BRI3BP: variants seen among roughly 807,000 people sequenced by gnomAD.
BRI3BP encodes BRI3 binding protein, also known as BRI3-binding protein.
BRI3BP carries 7 observed loss-of-function variants against 15.8 expected under a neutral mutation model. The observed-to-expected ratio is 0.44, with a 90% CI of 0.25 to 0.83. The LOEUF (loss-of-function observed/expected upper bound fraction) is 0.83, where lower values mean the gene tolerates loss of function less well. Ranked by LOEUF, BRI3BP falls within the 40% of genes least tolerant of loss-of-function variation. The probability of loss-of-function intolerance (pLI) is 0.20; values close to 1 mark genes in which losing one functional copy is unlikely to be tolerated. For synonymous variants in BRI3BP, 192 were observed against 163.5 expected, an observed-to-expected ratio of 1.17 and a Z score of -1.33; for missense variants, 320 against 339.3, an observed-to-expected ratio of 0.94 and a Z score of 0.45.
chr12:125,002,249 C>T (rs1038522997), intron 1 of BRI3BP, among the ~76,000 whole-genome samples: 1 of 152,084 alleles, frequency 6.6e-6, no homozygotes, highest in Non-Finnish European at 1.5e-5. Flanking sequence ...CTGGGTCATA[C>T]AGGAACTTTT....
intron 2 of BRI3BP, 23 bp downstream of exon 2, chr12:125,012,659 C>A: frequency 6.6e-7 from 1 of 1,525,868 alleles, no homozygotes; most frequent in Non-Finnish European, 9.1e-7. Flanking sequence ...GTGGCATTCA[C>A]GTAAGGTGTC....
At chr12:125,012,914 T>TA (rs376021994) in intron 2 of BRI3BP, among the ~76,000 whole-genome samples, 24 of 151,006 alleles carry the variant, frequency 1.6e-4, no homozygotes, top group African/African-American at 2.7e-4. Flanking sequence ...CCCATCTCTA[T>TA]AAAAAAAAAG....
At chr12:125,037,552 C>G in the BRI3BP span, among the ~76,000 whole-genome samples, 1 of 150,288 alleles carries the variant, frequency 6.7e-6, no homozygotes, top group Non-Finnish European at 1.5e-5. Context: ...TGGCTCACGC[C>G]TGTAATCCCG....
chr12:125,033,060 C>T (rs1389566339), downstream of BRI3BP, among the ~76,000 whole-genome samples: 2 of 152,178 alleles, frequency 1.3e-5, no homozygotes, highest in African/African-American at 2.4e-5. Flanking sequence ...GCATTGCTAC[C>T]AGCCCCTTTG....
downstream of BRI3BP, among the ~76,000 whole-genome samples, chr12:125,035,753 G>A (rs1320880093): frequency 2.0e-5 from 3 of 151,770 alleles, no homozygotes; most frequent in African/African-American, 2.4e-5. Context: ...CAGTATGCCC[G>A]GCCTGTCAGG....
the BRI3BP span, among the ~76,000 whole-genome samples, chr12:125,038,375 C>T: frequency 3.9e-5 from 6 of 152,208 alleles, no homozygotes; most frequent in South Asian, 4.2e-4. Context: ...ATAAAGCATC[C>T]GATGTTTGAC....
intron 1 of BRI3BP, among the ~76,000 whole-genome samples, chr12:124,999,301 C>T (rs11057960): frequency 1.1e-4 from 17 of 152,260 alleles, no homozygotes; most frequent in Admixed American, 7.9e-4. Context: ...ACTACCGACC[C>T]GTCTACCACC....
In BRI3BP at chr12:125,025,160, G is replaced by T. The variant is rs370114511; in HGVS notation, c.486G>T (p.Arg162=). The change falls in exon 3 of 3, where the codon CGG becomes CGT. Residue 162 remains arginine (R), a synonymous_variant. Coordinates refer to ENST00000341446, the MANE Select transcript of BRI3BP (RefSeq NM_080626.6). ...VVFGRFFWIV[R]VVLFSMSCVY... is the part of the protein sequence containing the mutation. ...TCGGCCGCTTCTTCTGGATCGTGCG[G>T]GTCGTCCTGTTTTCCATGTCCTGCG... The T allele has an allele frequency of 2.5e-5, 40 of 1,614,136 alleles. No homozygotes were observed. In the African/African-American group the frequency reaches 4.4e-4, roughly 18 times the overall value.
the BRI3BP span, among the ~76,000 whole-genome samples, chr12:125,038,935 G>A: frequency 1.3e-5 from 2 of 150,292 alleles, no homozygotes; most frequent in Non-Finnish European, 3.0e-5. Context: ...ACTAAAAATA[G>A]AAAAATTAGC....
At chr12:125,038,006 A>G in the BRI3BP span, among the ~76,000 whole-genome samples, 9 of 150,986 alleles carry the variant, frequency 6.0e-5, no homozygotes, top group Admixed American at 5.9e-4. Flanking sequence ...GAAGTTCACA[A>G]TTCTAGCCAG....
At chr12:125,036,384 T>TTTA in the BRI3BP span, among the ~76,000 whole-genome samples, 1 of 151,108 alleles carries the variant, frequency 6.6e-6, no homozygotes, top group Non-Finnish European at 1.5e-5. Flanking sequence ...ATTTTATTTA[T>TTTA]TTATTATTAT....
chr12:125,017,874 C>A (rs947019176), intron 2 of BRI3BP, among the ~76,000 whole-genome samples: 1 of 152,166 alleles, frequency 6.6e-6, no homozygotes, highest in Admixed American at 6.6e-5. Context: ...GAAACTGGAT[C>A]CCCTGGTTCC....
rs1955354634 is a variant in BRI3BP at position 125,026,339 on chromosome 12, T to C, written c.*909T>C. The C allele has an allele frequency of 1.3e-5, 2 of 151,880 alleles. No homozygotes were observed. The highest frequency in any genetic ancestry group is 1.3e-4 in the Admixed American group (2 of 15,240). 9.4% of individuals were successfully genotyped at this position (151,880 alleles called of 1,614,324 possible). Reference sequence around the variant, plus strand: ...GAGGGTTTTTTTTTTTTTCTTTTGATTTCCTCAGGACCTTAGAGGGAAAAC... The same window carrying C: ...GAGGGTTTTTTTTTTTTTCTTTTGACTTCCTCAGGACCTTAGAGGGAAAAC... On this transcript the variant is annotated 3_prime_UTR_variant, in exon 3 of 3. Coordinates refer to ENST00000341446, the MANE Select transcript of BRI3BP (RefSeq NM_080626.6).
At chr12:125,039,450 C>T in the BRI3BP span, among the ~76,000 whole-genome samples, 2 of 152,136 alleles carry the variant, frequency 1.3e-5, no homozygotes. Flanking sequence ...CTATGTTTGA[C>T]TAGGCTTTAG....
intron 2 of BRI3BP, among the ~76,000 whole-genome samples, chr12:125,019,182 C>A (rs765361407): frequency 2.0e-5 from 3 of 152,052 alleles, no homozygotes; most frequent in Non-Finnish European, 4.4e-5. Context: ...AGCTACTTGG[C>A]CATGGCAGCG....
chr12:125,041,717 T>C, the BRI3BP span, among the ~76,000 whole-genome samples: 4 of 152,212 alleles, frequency 2.6e-5, no homozygotes, highest in African/African-American at 9.6e-5. Flanking sequence ...TCTTTTTGTT[T>C]TGAAACAGAG....
the BRI3BP span, among the ~76,000 whole-genome samples, chr12:125,039,840 G>C: frequency 6.6e-6 from 1 of 152,006 alleles, no homozygotes; most frequent in Non-Finnish European, 1.5e-5. Context: ...ATTCTCTCAT[G>C]AATGTACAAT....
chr12:125,024,323 C>CA (rs397850604), intron 2 of BRI3BP, among the ~76,000 whole-genome samples: 34 of 151,204 alleles, frequency 2.2e-4, no homozygotes, highest in Middle Eastern at 3.4e-3. Context: ...AATCACCCCC[C>CA]ACGAGGTTCC....
chr12:125,032,047 C>T (rs889611120), downstream of BRI3BP, among the ~76,000 whole-genome samples: 2 of 151,982 alleles, frequency 1.3e-5, no homozygotes, highest in Non-Finnish European at 2.9e-5. Flanking sequence ...GGCAGGTGAG[C>T]GGGGGCGGTG....
Sources: allele counts gnomAD v4.1 joint callset (sites outside exome capture counted in the v4.1 genomes callset), GRCh38; gene constraint gnomAD v4.1.1; transcripts MANE v1.5; gene names NCBI Gene and HGNC (gene_info 2026-07-23, HGNC 2026-07-21).